Variants in AMMECR1 observed in about 807,000 individuals in gnomAD.
AMMECR1 encodes AMMECR nuclear protein 1.
AMMECR1 carries 3 observed loss-of-function variants against 22.5 expected under a neutral mutation model. The observed-to-expected ratio is 0.13, with a 90% CI of 0.06 to 0.35. The LOEUF (loss-of-function observed/expected upper bound fraction) is 0.35, where lower values mean the gene tolerates loss of function less well. Among genes scored for constraint, AMMECR1 ranks in the 10% least tolerant of loss-of-function variants. The probability of loss-of-function intolerance (pLI) is 1.00; values close to 1 mark genes in which losing one functional copy is unlikely to be tolerated. For synonymous variants in AMMECR1, 130 were observed against 116.7 expected (o/e 1.11, Z -0.74); for missense variants, 235 against 278.7 (o/e 0.84, Z 1.12).
chrX:110,430,658 G>T lies in AMMECR1; in HGVS notation c.-293-3855C>A, dbSNP rs182469927. On this transcript the variant is annotated intron_variant, in intron 1 of 7. Coordinates refer to the AMMECR1 transcript ENST00000372057. ...CCACACCAGGCATGAAAAGGAAGCT[G>T]GCATGGTCTTGTGTTGTCAGTTAAC... Among the ~76,000 whole-genome samples the T allele has an allele frequency of 9.0e-4, 101 of 112,149 alleles. 1 individual carries two copies. The highest frequency in any genetic ancestry group is 1.7e-3 in the Non-Finnish European group (90 of 53,189).
intron 1 of AMMECR1, among the ~76,000 whole-genome samples, chrX:110,295,974 ACTGT>A (rs1291687839): frequency 3.6e-5 from 4 of 111,746 alleles, no homozygotes; most frequent in African/African-American, 1.3e-4. Context: ...ATACCTTTAT[ACTGT>A]CTTTTATGTT....
chrX:110,438,312 TG>T (rs916626713), intron 1 of AMMECR1, among the ~76,000 whole-genome samples: 4 of 111,596 alleles, frequency 3.6e-5, no homozygotes, highest in African/African-American at 1.3e-4. Context: ...TGGGAGCGGA[TG>T]GAGAGATTGG....
intron 2 of AMMECR1, among the ~76,000 whole-genome samples, chrX:110,352,741 A>C (rs2068215886): frequency 8.9e-6 from 1 of 112,441 alleles, no homozygotes; most frequent in Admixed American, 9.4e-5. Context: ...CTCTTTAAAA[A>C]TTTCACCTTG....
At chrX:110,331,271 T>A (rs1012727071) in intron 2 of AMMECR1, among the ~76,000 whole-genome samples, 1 of 108,422 alleles carries the variant, frequency 9.2e-6, no homozygotes, top group African/African-American at 3.4e-5. Flanking sequence ...TGCTGATGAA[T>A]CCCAAATATC....
chrX:110,361,377 C>T (rs2068262319), intron 2 of AMMECR1, among the ~76,000 whole-genome samples: 1 of 111,404 alleles, frequency 9.0e-6, no homozygotes, highest in African/African-American at 3.3e-5. Context: ...ATTGCACTAG[C>T]CTCTCAACTG....
At chrX:110,311,835 C>G (rs1364982403) in intron 1 of AMMECR1, among the ~76,000 whole-genome samples, 1 of 112,147 alleles carries the variant, frequency 8.9e-6, no homozygotes, top group Non-Finnish European at 1.9e-5. Flanking sequence ...ACCTACACAA[C>G]CACTGGTTTC....
chrX:110,302,493 C>G (rs1463641712), intron 1 of AMMECR1, among the ~76,000 whole-genome samples: 1 of 111,989 alleles, frequency 8.9e-6, no homozygotes, highest in East Asian at 2.8e-4. Flanking sequence ...AATGAAGGTG[C>G]TACCAAGCTT....
chrX:110,373,726 A>G (rs781251080), intron 2 of AMMECR1, among the ~76,000 whole-genome samples: 4 of 112,170 alleles, frequency 3.6e-5, no homozygotes, highest in Admixed American at 9.5e-5. Flanking sequence ...GTATGTTTGA[A>G]GGTTTCAAGA....
rs1196397497 is a variant in AMMECR1, at chrX:110,339,969, A to AACAC, written c.-147-22121_-147-22120insGTGT. 1.8e-3 allele frequency among the ~76,000 whole-genome samples: 166 copies of AACAC among 90,043 alleles called. 1 individual carries two copies. The highest frequency in any genetic ancestry group is 6.9e-3 in the African/African-American group (157 of 22,764). The allele number at this position is 90,043 out of a possible 115,157, so 78.2% of individuals were successfully genotyped here. A position where few individuals can be genotyped will look rare whatever the true frequency, so the allele number is the denominator to read the frequency against. ...GATTTTTTGCTGTAGTTGAAGGCAAAACATACACACACACACACACACACA... is the reference window on the plus strand; with the variant it reads ...GATTTTTTGCTGTAGTTGAAGGCAAAACACACATACACACACACACACACACACA... On this transcript the variant is annotated intron_variant, in intron 2 of 7. Transcript: ENST00000372057.
At chrX:110,410,792 T>G (rs1354033019) in intron 2 of AMMECR1, among the ~76,000 whole-genome samples, 1 of 111,742 alleles carries the variant, frequency 8.9e-6, no homozygotes, top group Non-Finnish European at 1.9e-5. Context: ...AGATATGTCG[T>G]AGCTGGGGCC....
chrX:110,241,250 T>C (rs1346177430), intron 2 of AMMECR1, among the ~76,000 whole-genome samples: 1 of 109,700 alleles, frequency 9.1e-6, no homozygotes, highest in African/African-American at 3.3e-5. Flanking sequence ...CTGAAGGAGA[T>C]AGAGACATGA....
At chrX:110,395,940 T>C (rs1464787029) in intron 2 of AMMECR1, among the ~76,000 whole-genome samples, 1 of 111,975 alleles carries the variant, frequency 8.9e-6, no homozygotes, top group African/African-American at 3.3e-5. Context: ...CCAGGGCTTA[T>C]GGAAGAACTT....
intron 3 of AMMECR1, among the ~76,000 whole-genome samples, chrX:110,208,028 A>C (rs2067429977): frequency 8.9e-6 from 1 of 111,975 alleles, no homozygotes; most frequent in Non-Finnish European, 1.9e-5. Flanking sequence ...ATAAAGGAGA[A>C]AATAAAGATG....
intron 2 of AMMECR1, among the ~76,000 whole-genome samples, chrX:110,405,101 C>A (rs917881384): frequency 3.1e-5 from 3 of 96,205 alleles, no homozygotes; most frequent in African/African-American, 8.2e-5. Context: ...CCCCCCCCCC[C>A]AAGCATGAGT....
rs781622638 is a variant in AMMECR1 at position 110,282,149 on chromosome X, C to T, written c.474-17550G>A. Among the ~76,000 whole-genome samples, 16 of 111,185 alleles carry T rather than the reference C, an allele frequency of 1.4e-4. No individual in the cohort carries two copies. The South Asian group carries it at 6.0e-3, about 42-fold the overall frequency. On this transcript the variant is annotated intron_variant, in intron 1 of 5. Coordinates refer to ENST00000262844, the MANE Select transcript of AMMECR1 (RefSeq NM_015365.3). ...CTAGGTAGAGTTTAAAACTCCCACA[C>T]GTAAGAACTATCTCTTAGGAACATA...
intron 1 of AMMECR1, among the ~76,000 whole-genome samples, chrX:110,431,068 C>A (rs1459000304): frequency 8.9e-6 from 1 of 112,039 alleles, no homozygotes; most frequent in Non-Finnish European, 1.9e-5. Flanking sequence ...TAATCCATTC[C>A]TTTGGCTGCT....
chrX:110,420,633 T>C (rs1266888575), intron 2 of AMMECR1, among the ~76,000 whole-genome samples: 1 of 112,135 alleles, frequency 8.9e-6, no homozygotes, highest in African/African-American at 3.2e-5. Context: ...CTCAAATCCT[T>C]TGCAGAATGA....
chrX:110,297,161 A>T (rs1211164120), intron 1 of AMMECR1, among the ~76,000 whole-genome samples: 1 of 111,743 alleles, frequency 8.9e-6, no homozygotes, highest in Non-Finnish European at 1.9e-5. Flanking sequence ...GAACCAAGAG[A>T]TCTTTCATCC....
At chrX:110,372,200 G>A (rs1284586289) in intron 2 of AMMECR1, among the ~76,000 whole-genome samples, 1 of 112,472 alleles carries the variant, frequency 8.9e-6, no homozygotes, top group East Asian at 2.8e-4. Context: ...CCAAGTAGAT[G>A]TTTGGTGAGT....
Sources: allele counts gnomAD v4.1 joint callset (sites outside exome capture counted in the v4.1 genomes callset), GRCh38; gene constraint gnomAD v4.1.1; transcripts MANE v1.5; gene names NCBI Gene and HGNC (gene_info 2026-07-23, HGNC 2026-07-21).